The following DGLUCY variants were observed in gnomAD, a reference collection of about 807,000 sequenced individuals.
The protein encoded by DGLUCY is D-glutamate cyclase.
Under a neutral mutation model 58.5 loss-of-function variants are expected in DGLUCY, and 58 were observed. That is an observed-to-expected ratio of 0.99 (90% CI 0.80 to 1.23). The LOEUF is 1.23. Ranked by LOEUF, DGLUCY falls within the 50% of genes most tolerant of loss-of-function variation. DGLUCY has a pLI of 0.00. For missense variants in DGLUCY, 779 were observed against 784.7 expected (o/e 0.99, Z 0.09); for synonymous variants, 325 against 314.1 (o/e 1.03, Z -0.37).
upstream of DGLUCY, among the ~76,000 whole-genome samples, chr14:91,105,541 A>G (rs1464896523): frequency 1.3e-5 from 2 of 152,160 alleles, no homozygotes; most frequent in Non-Finnish European, 1.5e-5. Flanking sequence ...GAGCTTGCCT[A>G]TGGTGAATAA....
At chr14:91,081,004 A>G (rs2044114141) in intron 1 of DGLUCY, among the ~76,000 whole-genome samples, 1 of 152,130 alleles carries the variant, frequency 6.6e-6, no homozygotes. Context: ...GGAGTTCGAG[A>G]CCACCTGGCC....
chr14:91,190,096 C>T (rs980288958), intron 9 of DGLUCY, among the ~76,000 whole-genome samples: 3 of 150,126 alleles, frequency 2.0e-5, no homozygotes, highest in African/African-American at 2.5e-5. Flanking sequence ...CACGCCATTC[C>T]CCTGCCTCAG....
intron 12 of DGLUCY, among the ~76,000 whole-genome samples, chr14:91,211,687 C>T (rs1454000624): frequency 1.3e-5 from 2 of 152,174 alleles, no homozygotes; most frequent in Non-Finnish European, 2.9e-5. Context: ...ATAATAAACT[C>T]AAAATGGATT....
chr14:91,098,030 AG>A (rs138272859), intron 1 of DGLUCY, among the ~76,000 whole-genome samples: 4,366 of 152,330 alleles, frequency 0.029, 206 homozygotes, highest in African/African-American at 0.099. Flanking sequence ...GCCAATGCCA[AG>A]CTGTTAGCCT....
chr14:91,170,295 A>T, intron 5 of DGLUCY, 94 bp downstream of exon 5: 1 of 1,369,690 alleles, frequency 7.3e-7, no homozygotes, highest in Non-Finnish European at 9.8e-7. Flanking sequence ...TGGGCACGGG[A>T]GGTGGAAAAC....
chr14:91,174,492 G>C (rs945172826), intron 6 of DGLUCY, among the ~76,000 whole-genome samples: 3 of 152,068 alleles, frequency 2.0e-5, no homozygotes, highest in Non-Finnish European at 4.4e-5. Context: ...TTTTAGTAGA[G>C]ATGGGGTTTT....
chr14:91,104,542 G>A (rs1158685223), upstream of DGLUCY, among the ~76,000 whole-genome samples: 1 of 152,152 alleles, frequency 6.6e-6, no homozygotes, highest in Non-Finnish European at 1.5e-5. Flanking sequence ...GGCTGCTCTT[G>A]TCAAGGTTAC....
At chr14:91,205,778 T>TTCC (rs963128757) in intron 12 of DGLUCY, among the ~76,000 whole-genome samples, 14 of 128,542 alleles carry the variant, frequency 1.1e-4, no homozygotes, top group Non-Finnish European at 1.9e-4. Context: ...CTTCTTCTTC[T>TTCC]TCTTCTTCTT....
At chr14:91,171,937 A>T (rs2048593229) in intron 5 of DGLUCY, among the ~76,000 whole-genome samples, 1 of 152,170 alleles carries the variant, frequency 6.6e-6, no homozygotes, top group South Asian at 2.1e-4. Flanking sequence ...CCCGTGATTC[A>T]CCAGAGGCTG....
At position 91,173,489 on chromosome 14, in the gene DGLUCY, C is replaced by A. The variant is rs1261796651; in HGVS notation, c.607+50C>A. Reference sequence around the variant, plus strand: ...TGATCTTCCTGTTCACATGGGCAACCCAGGTCAGTGTCTCTCGCTCCTGCC... The same window carrying A: ...TGATCTTCCTGTTCACATGGGCAACACAGGTCAGTGTCTCTCGCTCCTGCC... On this transcript the variant is annotated intron_variant, in intron 6 of 13. Transcript: ENST00000256324. The A allele has an allele frequency of 2.0e-6, 3 of 1,529,294 alleles. No individual in the cohort carries two copies. In the East Asian group the frequency reaches 6.9e-5, roughly 35 times the overall value. The allele number at this position is 1,529,294 out of a possible 1,614,324, so 94.7% of individuals were successfully genotyped here. A position where few individuals can be genotyped will look rare whatever the true frequency, so the allele number is the denominator to read the frequency against.
intron 7 of DGLUCY, among the ~76,000 whole-genome samples, chr14:91,178,043 T>A (rs1038366676): frequency 6.6e-6 from 1 of 152,236 alleles, no homozygotes; most frequent in African/African-American, 2.4e-5. Flanking sequence ...GCAGAGGAGA[T>A]CTCACTGCTG....
intron 1 of DGLUCY, among the ~76,000 whole-genome samples, chr14:91,154,107 T>C (rs1164879942): frequency 2.0e-5 from 3 of 152,202 alleles, no homozygotes; most frequent in East Asian, 1.9e-4. Context: ...GATTTTGCCA[T>C]GTTGGCCAGG....
chr14:91,161,855 A>G (rs1412538639), intron 3 of DGLUCY, among the ~76,000 whole-genome samples: 3 of 151,114 alleles, frequency 2.0e-5, no homozygotes, highest in Non-Finnish European at 2.9e-5. Context: ...CAAAAACTGC[A>G]ATTACTTTTG....
At chr14:91,205,181 G>A (rs1011839806) in intron 12 of DGLUCY, among the ~76,000 whole-genome samples, 5 of 152,200 alleles carry the variant, frequency 3.3e-5, no homozygotes, top group Admixed American at 3.3e-4. Flanking sequence ...AGAGGGTGAT[G>A]GGAGGGCCCC....
At chr14:91,103,345 T>C (rs2044526771), upstream of DGLUCY, among the ~76,000 whole-genome samples, 1 of 152,046 alleles carries the variant, frequency 6.6e-6, no homozygotes, top group Non-Finnish European at 1.5e-5. Context: ...CCTTCCCCCT[T>C]CTCCTTTTAG....
intron 5 of DGLUCY, among the ~76,000 whole-genome samples, chr14:91,171,936 CA>C (rs1400503255): frequency 6.6e-6 from 1 of 152,234 alleles, no homozygotes; most frequent in Non-Finnish European, 1.5e-5. Context: ...GCCCGTGATT[CA>C]CCAGAGGCTG....
At chr14:91,214,993 A>G (rs1191774609) in intron 12 of DGLUCY, among the ~76,000 whole-genome samples, 1 of 152,176 alleles carries the variant, frequency 6.6e-6, no homozygotes, top group Non-Finnish European at 1.5e-5. Context: ...TTCTAAAAAT[A>G]TAAAAATTAG....
intron 12 of DGLUCY, among the ~76,000 whole-genome samples, chr14:91,206,455 TCACTG>T (rs1884719840): frequency 6.6e-6 from 1 of 152,086 alleles, no homozygotes; most frequent in Non-Finnish European, 1.5e-5. Flanking sequence ...CGATCTCAGC[TCACTG>T]CAACTTCTGC....
In DGLUCY at chr14:91,185,271, A is replaced by ATTTTTTTTT. The variant is rs35639010; in HGVS notation, c.935-3618_935-3610dup. Among the ~76,000 whole-genome samples the ATTTTTTTTT allele has an allele frequency of 9.8e-3, 377 of 38,390 alleles. 45 individuals carry two copies. The highest frequency in any genetic ancestry group is 0.011 in the Non-Finnish European group (239 of 21,478). The allele number at this position is 38,390 out of a possible 152,430, so 25.2% of individuals were successfully genotyped here. A position where few individuals can be genotyped will look rare whatever the true frequency, so the allele number is the denominator to read the frequency against. On this transcript the variant is annotated intron_variant, in intron 8 of 13. Coordinates refer to ENST00000256324, the MANE Select transcript of DGLUCY (RefSeq NM_001102368.3). ...GGTGTGAGCCACCGTGCCCAGCCGG[A>ATTTTTTTTT]TTTTTTTTTTTTTTTTTTTTTTTTT...
Sources: gnomAD v4.1 joint callset for allele counts (sites outside exome capture counted in the v4.1 genomes callset) on GRCh38, gnomAD v4.1.1 for gene constraint, MANE v1.5 for transcripts, NCBI Gene and HGNC (gene_info 2026-07-23, HGNC 2026-07-21) for gene names.